Variants in HELZ observed in about 807,000 individuals in gnomAD.
HELZ encodes the protein helicase with zinc finger.
A neutral mutation model predicts 218.2 loss-of-function variants in HELZ; 23 were observed. The ratio of observed to expected loss-of-function variants is 0.11; its 90% CI spans 0.08 to 0.15. The LOEUF (loss-of-function observed/expected upper bound fraction) is 0.15, where lower values mean the gene tolerates loss of function less well. Among genes scored for constraint, HELZ ranks in the 10% least tolerant of loss-of-function variants. HELZ has a pLI of 1.00. For missense variants in HELZ, 1,813 were observed against 2,353.7 expected, an observed-to-expected ratio of 0.77 and a Z score of 4.75; for synonymous variants, 814 against 829.4, an observed-to-expected ratio of 0.98 and a Z score of 0.32.
Position 67,232,290 on chromosome 17 carries a change from C to G in HELZ, c.-19+7143G>C, listed in dbSNP as rs1241169431. 3.3e-5 allele frequency among the ~76,000 whole-genome samples: 5 copies of G among 152,022 alleles called. No individual in the cohort carries two copies. The South Asian group carries it at 6.2e-4, about 19-fold the overall frequency. ...TCCTGAGTAGCTGAGATTACAGGCACACACCACCATAACCGGCTATGCCCG... is the reference window on the plus strand; with the variant it reads ...TCCTGAGTAGCTGAGATTACAGGCAGACACCACCATAACCGGCTATGCCCG... On this transcript the variant is annotated intron_variant, in intron 3 of 32. Coordinates refer to ENST00000358691, the MANE Select transcript of HELZ (RefSeq NM_014877.4).
At chr17:67,154,438 T>A (rs939098124) in intron 17 of HELZ, among the ~76,000 whole-genome samples, 14 of 151,944 alleles carry the variant, frequency 9.2e-5, no homozygotes, top group African/African-American at 3.1e-4. Flanking sequence ...TAAAAAAAAA[T>A]AATAATAATT....
At chr17:67,110,657 C>T (rs887815780) in intron 28 of HELZ, among the ~76,000 whole-genome samples, 3 of 152,178 alleles carry the variant, frequency 2.0e-5, no homozygotes, top group African/African-American at 7.2e-5. Flanking sequence ...CATGCCCCCA[C>T]TCCAATGCCA....
At chr17:67,164,475 C>T (rs1348877999) in intron 15 of HELZ, among the ~76,000 whole-genome samples, 15 of 151,920 alleles carry the variant, frequency 9.9e-5, no homozygotes, top group South Asian at 2.1e-4. Flanking sequence ...ATGAGTTGTC[C>T]GATGGGTGTA....
intron 31 of HELZ, among the ~76,000 whole-genome samples, chr17:67,092,926 C>T (rs2036618629): frequency 1.3e-5 from 2 of 151,660 alleles, no homozygotes; most frequent in African/African-American, 4.8e-5. Flanking sequence ...CAAGATTGTG[C>T]CACTGCACTC....
intron 5 of HELZ, among the ~76,000 whole-genome samples, chr17:67,209,351 AC>A (rs1322679305): frequency 6.6e-6 from 1 of 151,934 alleles, no homozygotes; most frequent in Non-Finnish European, 1.5e-5. Flanking sequence ...TAATCCCAAC[AC>A]TTTGGGAGGC....
intron 13 of HELZ, among the ~76,000 whole-genome samples, chr17:67,171,926 G>T (rs1256263651): frequency 6.6e-6 from 1 of 151,804 alleles, no homozygotes; most frequent in East Asian, 1.9e-4. Context: ...CCACCTCCCG[G>T]GTTCAAGCGA....
intron 28 of HELZ, among the ~76,000 whole-genome samples, chr17:67,111,236 A>G (rs142052847): frequency 0.015 from 2,242 of 152,356 alleles, 40 homozygotes; most frequent in Middle Eastern, 0.024. Context: ...ATAAACTGTG[A>G]TAACTACAAA....
intron 3 of HELZ, among the ~76,000 whole-genome samples, chr17:67,235,749 CTTTTTTTTTTTTT>C: frequency 1.3e-5 from 1 of 78,672 alleles, no homozygotes; most frequent in Admixed American, 1.7e-4. Flanking sequence ...ACCACACACT[CTTTTTTTTTTTTT>C]TTTTTTTTTT....
intron 5 of HELZ, among the ~76,000 whole-genome samples, chr17:67,207,061 C>A (rs868428942): frequency 6.7e-6 from 1 of 150,084 alleles, no homozygotes. Context: ...TACAGGCATG[C>A]GCCACCACCC....
At chr17:67,105,213 A>G (rs1363779297) in intron 31 of HELZ, among the ~76,000 whole-genome samples, 1 of 152,202 alleles carries the variant, frequency 6.6e-6, no homozygotes, top group African/African-American at 2.4e-5. Context: ...CAAAGCGAGT[A>G]TATAGAGAAA....
rs1191576771 is a variant in HELZ, at chr17:67,108,965, T to C, written c.4489+151A>G. 1 of 693,058 alleles carries C rather than the reference T, an allele frequency of 1.4e-6. No homozygotes were observed. Among genetic ancestry groups the C allele is most frequent in the Admixed American group, 2.9e-5 (1 of 33,950 alleles). The allele number at this position is 693,058 out of a possible 1,614,324, so 42.9% of individuals were successfully genotyped here. A position where few individuals can be genotyped will look rare whatever the true frequency, so the allele number is the denominator to read the frequency against. On this transcript the variant is annotated intron_variant, in intron 29 of 32. Transcript: ENST00000358691. This position sits in a 1 kb window ranked among gnomAD's most constrained non-coding sequence, Gnocchi z 4.1. ...CCACTGGATACTATCATACAGCATT[T>C]AGAACTAGTTTCTGATTATCACACT...
At chr17:67,177,449 A>G (rs953797921) in intron 13 of HELZ, among the ~76,000 whole-genome samples, 6 of 152,080 alleles carry the variant, frequency 3.9e-5, no homozygotes, top group African/African-American at 7.2e-5. Context: ...GTTAATATAT[A>G]ATTTTTTCTG....
rs896089617 is a variant in HELZ at position 67,078,334 on chromosome 17, C to T, written c.5747G>A (p.Ser1916Asn). Residue 1916 changes from serine (S) to asparagine (N), a missense_variant, in exon 33 of 33, where the codon AGT becomes AAT. Physicochemically the swap from Ser to Asn is conservative, Grantham distance 46. Transcript: ENST00000358691. The stretch of plus-strand genomic sequence containing the variant: ...CTGGAAGAGAGACAGAGGGTCGCTA[C>T]TCTTCTTGGCCTGCTCAGGAGGGGG... ...PRPPPEQAKK[S>N]SDPLSLFQEL... 2.5e-6 allele frequency: 4 copies of T among 1,613,950 alleles called. No homozygotes were observed. Among genetic ancestry groups the T allele is most frequent in the Non-Finnish European group, 2.5e-6 (3 of 1,179,996 alleles).
chr17:67,136,656 A>G (rs2038161051), intron 22 of HELZ, among the ~76,000 whole-genome samples: 1 of 152,234 alleles, frequency 6.6e-6, no homozygotes, highest in Admixed American at 6.5e-5. Flanking sequence ...ACATGGATGA[A>G]CCTTGAAGGC....
At chr17:67,238,700 T>C (rs2143499983) in intron 3 of HELZ, among the ~76,000 whole-genome samples, 1 of 152,238 alleles carries the variant, frequency 6.6e-6, no homozygotes, top group East Asian at 1.9e-4. Flanking sequence ...AAAATAATAA[T>C]AATTTTAACT....
At chr17:67,240,562 GAT>G (rs1491377275) in intron 2 of HELZ, among the ~76,000 whole-genome samples, 1 of 152,122 alleles carries the variant, frequency 6.6e-6, no homozygotes, top group Non-Finnish European at 1.5e-5. Context: ...TCACAACAAA[GAT>G]AATTTCTGCA....
At chr17:67,160,871 T>C (rs940252140) in intron 16 of HELZ, 26 bp downstream of exon 16, 1 of 1,536,906 alleles carries the variant, frequency 6.5e-7, no homozygotes, top group Non-Finnish European at 8.8e-7. Context: ...ACCAGGGAAA[T>C]ATGAGCACGC....
At chr17:67,100,610 T>C (rs1016710094) in intron 31 of HELZ, among the ~76,000 whole-genome samples, 2 of 152,154 alleles carry the variant, frequency 1.3e-5, no homozygotes, top group Non-Finnish European at 2.9e-5. Context: ...AGTATCAACA[T>C]TGCTACATAA....
chr17:67,178,284 GGT>G, intron 13 of HELZ, among the ~76,000 whole-genome samples: 1 of 152,158 alleles, frequency 6.6e-6, no homozygotes, highest in East Asian at 1.9e-4. Context: ...CAAAATATGT[GGT>G]CTCTTTCGGT....
Sources: allele counts gnomAD v4.1 joint callset (sites outside exome capture counted in the v4.1 genomes callset), GRCh38; gene constraint gnomAD v4.1.1; non-coding constraint Gnocchi (gnomAD v3.1); transcripts MANE v1.5; gene names NCBI Gene and HGNC (gene_info 2026-07-23, HGNC 2026-07-21).